The following PAXBP1 variants were observed in gnomAD, a reference collection of about 807,000 sequenced individuals.
PAXBP1 encodes the protein PAX3 and PAX7 binding protein 1, also known as PAX3- and PAX7-binding protein 1.
A neutral mutation model predicts 119.9 loss-of-function variants in PAXBP1; 44 were observed. The ratio of observed to expected loss-of-function variants is 0.37; its 90% confidence interval spans 0.29 to 0.47. The LOEUF is 0.47. Among genes scored for constraint, PAXBP1 ranks in the 20% least tolerant of loss-of-function variants. The pLI is 0.99. For synonymous variants in PAXBP1, 393 were observed against 406.6 expected, an observed-to-expected ratio of 0.97 and a Z score of 0.40; for missense variants, 898 against 1,134.1, an observed-to-expected ratio of 0.79 and a Z score of 2.99.
In PAXBP1 at chr21:32,759,802, A is replaced by G. The variant is rs2044107271; in HGVS notation, c.1168T>C (p.Leu390=). ...SNEMTPVTID[L]VKKQLKDRLD... is the part of the protein sequence containing the mutation. The stretch of plus-strand genomic sequence containing the variant: ...CTGTCTTTAAGCTGTTTCTTTACCA[A>G]ATCAATAGTAACGGGAGTCATCTCA... Residue 390 remains leucine, a synonymous_variant, in exon 6 of 18, where the codon TTG becomes CTG. Coordinates refer to ENST00000331923, the MANE Select transcript of PAXBP1 (RefSeq NM_016631.4). The G allele has an allele frequency of 6.2e-7, 1 of 1,613,962 alleles. No homozygotes were observed. Among genetic ancestry groups the G allele is most frequent in the Non-Finnish European group, 8.5e-7 (1 of 1,179,820 alleles).
intron 4 of PAXBP1, among the ~76,000 whole-genome samples, chr21:32,761,564 T>A (rs1416163647): frequency 1.3e-5 from 2 of 152,242 alleles, no homozygotes; most frequent in East Asian, 3.8e-4. Flanking sequence ...AAAATTCCAA[T>A]AAAACACTTG....
At chr21:32,762,859 C>T (rs370067347) in intron 3 of PAXBP1, among the ~76,000 whole-genome samples, 263 of 144,578 alleles carry the variant, frequency 1.8e-3, no homozygotes, top group Middle Eastern at 7.1e-3. Context: ...TGCAGTGAGC[C>T]GAGATTGCAC....
At chr21:32,741,594 G>C (rs2146471376) in intron 15 of PAXBP1, 1 of 763,482 alleles carries the variant, frequency 1.3e-6, no homozygotes, top group South Asian at 1.4e-5. Context: ...TATGGGGCAG[G>C]ACCCTCTCTG....
In PAXBP1 at chr21:32,748,706, C is replaced by A; in HGVS notation, c.1724-8G>T. The stretch of plus-strand genomic sequence containing the variant: ...ATTCTTTTGAAATTCGATCTAAAAA[C>A]AACAAAACCCCACAGAGAACCATAC... On this transcript the variant is annotated splice_polypyrimidine_tract_variant and splice_region_variant and intron_variant, in intron 10 of 17. Coordinates refer to ENST00000331923, the MANE Select transcript of PAXBP1 (RefSeq NM_016631.4). 1 of 1,605,838 alleles carries A rather than the reference C, an allele frequency of 6.2e-7. No homozygotes were observed. The highest frequency in any genetic ancestry group is 1.7e-5 in the Admixed American group (1 of 59,700).
At chr21:32,750,070 T>C (rs1269164543) in intron 10 of PAXBP1, among the ~76,000 whole-genome samples, 1 of 152,040 alleles carries the variant, frequency 6.6e-6, no homozygotes, top group Admixed American at 6.5e-5. Flanking sequence ...TGTTTTCTTA[T>C]TGTGCTAAAA....
At chr21:32,738,436 A>C in intron 15 of PAXBP1, 117 bp from the exon 16 acceptor site, 2 of 753,348 alleles carry the variant, frequency 2.7e-6, no homozygotes, top group Non-Finnish European at 4.2e-6. Flanking sequence ...CAAAGTACTA[A>C]GAAATATTAA....
intron 15 of PAXBP1, 72 bp from the exon 16 acceptor site, chr21:32,738,391 A>G (rs1426531443): frequency 6.3e-6 from 8 of 1,263,906 alleles, no homozygotes; most frequent in African/African-American, 3.1e-5. Flanking sequence ...TTACATAGTA[A>G]AACACCATAT....
intron 7 of PAXBP1, 108 bp downstream of exon 7, chr21:32,758,972 T>A: frequency 1.8e-6 from 2 of 1,082,352 alleles, no homozygotes; most frequent in Non-Finnish European, 2.7e-6. Flanking sequence ...ACTTCTAATG[T>A]TGAGTTCAGT....
At chr21:32,755,174 G>A in intron 8 of PAXBP1, 56 bp downstream of exon 8, 2 of 1,522,366 alleles carry the variant, frequency 1.3e-6, no homozygotes, top group Admixed American at 2.1e-5. Flanking sequence ...CAATTAGGCT[G>A]CACTAAGTAA....
At chr21:32,756,166 A>T in intron 7 of PAXBP1, 1 of 393,764 alleles carries the variant, frequency 2.5e-6, no homozygotes, top group South Asian at 1.9e-5. Flanking sequence ...GAGCTAACTT[A>T]AAACAGAAAA....
At chr21:32,746,905 A>ATTT (rs1029514144) in intron 11 of PAXBP1, among the ~76,000 whole-genome samples, 1 of 152,234 alleles carries the variant, frequency 6.6e-6, no homozygotes, top group Non-Finnish European at 1.5e-5. Flanking sequence ...CTATGCAGCC[A>ATTT]TAAAAAGGAA....
chr21:32,756,103 G>T, intron 7 of PAXBP1: 2 of 222,516 alleles, frequency 9.0e-6, no homozygotes, highest in Non-Finnish European at 9.1e-6. Flanking sequence ...ATTTTTCCAG[G>T]TTAATATCCC....
intron 2 of PAXBP1, among the ~76,000 whole-genome samples, chr21:32,766,851 G>C (rs926690722): frequency 6.6e-6 from 1 of 152,186 alleles, no homozygotes; most frequent in African/African-American, 2.4e-5. Flanking sequence ...GGGCAATCTT[G>C]CCAATAGCCC....
rs188910520 is a variant in PAXBP1 at position 32,738,148 on chromosome 21, A to G, written c.2481+25T>C. The G allele has an allele frequency of 6.1e-3, 9,251 of 1,522,382 alleles. 37 individuals carry two copies. The highest frequency in any genetic ancestry group is 9.0e-3 in the Middle Eastern group (50 of 5,526). 94.3% of individuals were successfully genotyped at this position (1,522,382 alleles called of 1,614,324 possible). The stretch of plus-strand genomic sequence containing the variant: ...ATTCATTTTAAATTATATGCTTTAA[A>G]AACTGTACTATGCATTTAACTCACA... On this transcript the variant is annotated intron_variant, in intron 16 of 17. Transcript: ENST00000331923.
chr21:32,750,645 A>G (rs1206104956), intron 10 of PAXBP1, among the ~76,000 whole-genome samples: 1 of 152,216 alleles, frequency 6.6e-6, no homozygotes, highest in African/African-American at 2.4e-5. Flanking sequence ...AGGACCTGAC[A>G]CATTTCCAGT....
rs1257329918 is a variant in PAXBP1 at position 32,744,927 on chromosome 21, A to G, written c.2069-14T>C. The G allele has an allele frequency of 6.3e-7, 1 of 1,595,254 alleles. No individual in the cohort carries two copies. Among genetic ancestry groups the G allele is most frequent in the Admixed American group, 1.8e-5 (1 of 54,954 alleles). Reference sequence around the variant, plus strand: ...TTTCAGCTATCACTATTAAGAAAAAAAGAGGATTGAGACACAGAAGCCAAT... The same window carrying G: ...TTTCAGCTATCACTATTAAGAAAAAGAGAGGATTGAGACACAGAAGCCAAT... On this transcript the variant is annotated splice_polypyrimidine_tract_variant and intron_variant, in intron 12 of 17. Coordinates refer to ENST00000331923, the MANE Select transcript of PAXBP1 (RefSeq NM_016631.4).
chr21:32,771,268 G>A (rs538106581), intron 1 of PAXBP1, 58 bp downstream of exon 1: 105 of 1,453,120 alleles, frequency 7.2e-5, no homozygotes, highest in Middle Eastern at 4.8e-4. Flanking sequence ...GGGGGCGGGG[G>A]ACGGGGGCCT....
At chr21:32,755,164 C>T (rs1440983556) in intron 8 of PAXBP1, 66 bp downstream of exon 8, 2 of 1,278,934 alleles carry the variant, frequency 1.6e-6, no homozygotes, top group East Asian at 3.0e-5. Context: ...CTCTAATTTT[C>T]AATTAGGCTG....
chr21:32,740,619 T>G (rs866088972), intron 15 of PAXBP1, among the ~76,000 whole-genome samples: 1 of 152,162 alleles, frequency 6.6e-6, no homozygotes, highest in Non-Finnish European at 1.5e-5. Context: ...CAGACCTAAA[T>G]GTAAAACCTA....
Sources: allele counts gnomAD v4.1 joint callset (sites outside exome capture counted in the v4.1 genomes callset), GRCh38; gene constraint gnomAD v4.1.1; transcripts MANE v1.5; gene names NCBI Gene and HGNC (gene_info 2026-07-23, HGNC 2026-07-21).